SCRN3: variants seen among roughly 807,000 people sequenced by gnomAD.
The protein encoded by SCRN3 is secernin-3.
In SCRN3, 39 loss-of-function variants were observed where a neutral mutation model predicts 43.1. The observed-to-expected ratio is 0.91, with a 90% confidence interval of 0.70 to 1.18. The LOEUF (loss-of-function observed/expected upper bound fraction) is 1.18. Among genes scored for constraint, SCRN3 ranks in the 50% most tolerant of loss-of-function variants. SCRN3 has a pLI of 0.00. For missense variants in SCRN3, 484 were observed against 498.0 expected, an observed-to-expected ratio of 0.97 and a Z score of 0.27; for synonymous variants, 147 against 163.1, an observed-to-expected ratio of 0.90 and a Z score of 0.75.
At chr2:174,418,062 G>A (rs1686176437) in intron 5 of SCRN3, among the ~76,000 whole-genome samples, 1 of 151,988 alleles carries the variant, frequency 6.6e-6, no homozygotes. Flanking sequence ...GAATTCTAAG[G>A]TTTAGGGTAA....
intron 6 of SCRN3, 41 bp from the exon 7 acceptor site, chr2:174,424,434 A>G (rs1408127794): frequency 7.4e-7 from 1 of 1,346,914 alleles, no homozygotes; most frequent in Non-Finnish European, 1.0e-6. Context: ...GAATATTTTT[A>G]TATATTGACA....
At chr2:174,403,343 A>C (rs1031962108) in intron 4 of SCRN3, among the ~76,000 whole-genome samples, 1 of 152,100 alleles carries the variant, frequency 6.6e-6, no homozygotes, top group Admixed American at 6.5e-5. Context: ...CATACAACTT[A>C]GCAACTGTAC....
chr2:174,401,988 G>A (rs936566372), intron 4 of SCRN3, among the ~76,000 whole-genome samples: 2 of 152,204 alleles, frequency 1.3e-5, no homozygotes, highest in East Asian at 3.8e-4. Context: ...GGTTATTATC[G>A]TGAGCTAGAG....
At chr2:174,419,490 C>T (rs1686221000) in intron 5 of SCRN3, among the ~76,000 whole-genome samples, 1 of 152,184 alleles carries the variant, frequency 6.6e-6, no homozygotes. Context: ...AACAATCCTC[C>T]TGCCTCAGCC....
rs1574651277 is a variant in SCRN3 at position 174,405,699 on chromosome 2, A to G, written c.754+1384A>G. On this transcript the variant is annotated intron_variant, in intron 5 of 7. Transcript: ENST00000272732. ...ATGGCTAGCCAGTTTTCCCAGCACC[A>G]TTTATTAAATAGGGAATCCTTTCCC... 6.7e-5 allele frequency among the ~76,000 whole-genome samples: 10 copies of G among 148,936 alleles called. No homozygotes were observed. In the South Asian group the frequency reaches 1.9e-3, roughly 28 times the overall value.
At chr2:174,429,645 G>A (rs1686594639), downstream of SCRN3, 1 of 152,118 alleles carries the variant, frequency 6.6e-6, no homozygotes, top group Admixed American at 6.6e-5. Context: ...AAAGGCCATG[G>A]TTCAAGTTAG....
chr2:174,408,319 C>T (rs1445919415), intron 5 of SCRN3, among the ~76,000 whole-genome samples: 1 of 124,620 alleles, frequency 8.0e-6, no homozygotes, highest in African/African-American at 2.7e-5. Flanking sequence ...CTTGGTAGAT[C>T]TTCCTCCATC....
intron 5 of SCRN3, among the ~76,000 whole-genome samples, chr2:174,418,465 G>C (rs1022634807): frequency 6.6e-6 from 1 of 152,100 alleles, no homozygotes; most frequent in Non-Finnish European, 1.5e-5. Flanking sequence ...TAAATAACTA[G>C]CTTAAATTGC....
intron 5 of SCRN3, among the ~76,000 whole-genome samples, chr2:174,417,053 TAAACTATC>T (rs1686136052): frequency 6.6e-6 from 1 of 152,242 alleles, no homozygotes; most frequent in African/African-American, 2.4e-5. Context: ...ATAGGTTATC[TAAACTATC>T]TTTTTCCCCC....
Position 174,400,185 on chromosome 2 carries a change from A to G in SCRN3, c.341+82A>G, listed in dbSNP as rs540700961. The G allele has an allele frequency of 9.3e-5, 98 of 1,054,120 alleles. 1 individual carries two copies. In the East Asian group the frequency reaches 1.2e-3, roughly 12 times the overall value. 65.3% of individuals were successfully genotyped at this position (1,054,120 alleles called of 1,614,324 possible). On this transcript the variant is annotated intron_variant, in intron 3 of 7. Coordinates refer to ENST00000272732, the MANE Select transcript of SCRN3 (RefSeq NM_024583.5). ...TAACTCTTACTTGTTTTATTTTCCTATTTTTGAGGGGGCTTTGATACTTTG... is the reference window on the plus strand; with the variant it reads ...TAACTCTTACTTGTTTTATTTTCCTGTTTTTGAGGGGGCTTTGATACTTTG...
At chr2:174,422,829 T>C (rs1369968990) in intron 5 of SCRN3, 56 bp from the exon 6 acceptor site, 3 of 1,118,472 alleles carry the variant, frequency 2.7e-6, no homozygotes, top group Admixed American at 4.2e-5. Flanking sequence ...AGTTCATATT[T>C]GCAAGGCATC....
At position 174,397,136 on chromosome 2, in the gene SCRN3, TGAG is replaced by T. The variant is rs1362715933; in HGVS notation, c.-9-1135_-9-1133del. 305 of 980,942 alleles carry T rather than the reference TGAG, an allele frequency of 3.1e-4. No individual in the cohort carries two copies. The Middle Eastern group carries it at 5.3e-3, about 17-fold the overall frequency. 60.8% of individuals were successfully genotyped at this position (980,942 alleles called of 1,614,324 possible). The stretch of plus-strand genomic sequence containing the variant: ...ATCAAGACATCAGACTTCTCGTCAC[TGAG>T]GAGAAGAGGAAAACCCTTAAGAGTT... On this transcript the variant is annotated intron_variant, in intron 1 of 7. Coordinates refer to ENST00000272732, the MANE Select transcript of SCRN3 (RefSeq NM_024583.5).
At chr2:174,404,762 C>T (rs1165040165) in intron 5 of SCRN3, among the ~76,000 whole-genome samples, 16 of 121,170 alleles carry the variant, frequency 1.3e-4, no homozygotes, top group Admixed American at 1.0e-3. Flanking sequence ...CAATTTCATC[C>T]ATGTCCCTAC....
In SCRN3 at chr2:174,428,681, G is replaced by C. The variant is rs1343051700; in HGVS notation, c.*786G>C. ...CAGTGAAAACAGAAACAAGAATGAGGTAGTGGCAATGAAATAGAATTATTA... is the reference window on the plus strand; with the variant it reads ...CAGTGAAAACAGAAACAAGAATGAGCTAGTGGCAATGAAATAGAATTATTA... On this transcript the variant is annotated 3_prime_UTR_variant, in exon 8 of 8. Coordinates refer to ENST00000272732, the MANE Select transcript of SCRN3 (RefSeq NM_024583.5). The C allele has an allele frequency of 6.6e-6, 1 of 152,158 alleles. No homozygotes were observed. Among genetic ancestry groups the C allele is most frequent in the Non-Finnish European group, 1.5e-5 (1 of 68,022 alleles). The allele number at this position is 152,158 out of a possible 1,614,324, so 9.4% of individuals were successfully genotyped here. A position where few individuals can be genotyped will look rare whatever the true frequency, so the allele number is the denominator to read the frequency against.
chr2:174,401,288 T>A, intron 4 of SCRN3, 99 bp downstream of exon 4: 1 of 950,198 alleles, frequency 1.1e-6, no homozygotes, highest in Non-Finnish European at 1.6e-6. Context: ...ATTAATAATC[T>A]AGTGTAATGA....
At chr2:174,413,575 T>A (rs1686001384) in intron 5 of SCRN3, among the ~76,000 whole-genome samples, 1 of 149,182 alleles carries the variant, frequency 6.7e-6, no homozygotes, top group Non-Finnish European at 1.5e-5. Context: ...TTTTCTTTTT[T>A]TTTGTCTTTC....
In SCRN3 at chr2:174,407,668, C is replaced by T. The variant is rs926446179; in HGVS notation, c.754+3353C>T. Among the ~76,000 whole-genome samples the T allele has an allele frequency of 2.8e-3, 351 of 127,232 alleles. 1 individual carries two copies. Among genetic ancestry groups the T allele is most frequent in the Non-Finnish European group, 4.1e-3 (246 of 60,656 alleles). 83.5% of individuals were successfully genotyped at this position (127,232 alleles called of 152,430 possible). On this transcript the variant is annotated intron_variant, in intron 5 of 7. Transcript: ENST00000272732. ...GATTCTGGTATGTTGTGTCTTTCTTCTCGTTGGTTTCAAAGAACATCTTTA... is the reference window on the plus strand; with the variant it reads ...GATTCTGGTATGTTGTGTCTTTCTTTTCGTTGGTTTCAAAGAACATCTTTA...
Position 174,398,379 on chromosome 2 carries a change from T to G in SCRN3, c.96T>G (p.Asp32Glu), listed in dbSNP as rs1009205581. The G allele has an allele frequency of 5.0e-6, 8 of 1,609,124 alleles. No homozygotes were observed. Among genetic ancestry groups the G allele is most frequent in the African/African-American group, 2.7e-5 (2 of 74,618 alleles). Residue 32 changes from aspartate (D) to glutamate (E), a missense_variant, in exon 2 of 8, where the codon GAT becomes GAG. By Grantham distance (45) the Asp-to-Glu change is conservative. Transcript: ENST00000272732. Reference sequence around the variant, plus strand: ...GAAAAAATTCAGATAGACTCTATGATGAAGTACAAGAGGTGGTTTATTTTC... The same window carrying G: ...GAAAAAATTCAGATAGACTCTATGAGGAAGTACAAGAGGTGGTTTATTTTC... ...IFGKNSDRLY[D>E]EVQEVVYFPA...
At chr2:174,396,715 T>C (rs4972439) in intron 1 of SCRN3, among the ~76,000 whole-genome samples, 26,121 of 151,782 alleles carry the variant, frequency 0.17, 2,461 homozygotes, top group South Asian at 0.29. Flanking sequence ...GGAGAATCAC[T>C]TGAACGCGGG....
Sources: gnomAD v4.1 joint callset for allele counts (sites outside exome capture counted in the v4.1 genomes callset) on GRCh38, gnomAD v4.1.1 for gene constraint, MANE v1.5 for transcripts, NCBI Gene and HGNC (gene_info 2026-07-23, HGNC 2026-07-21) for gene names.